Variants in NDEL1 observed in about 807,000 individuals in gnomAD.
NDEL1 encodes the protein nudE neurodevelopment protein 1 like 1.
A neutral mutation model predicts 45.7 loss-of-function variants in NDEL1; 9 were observed. The observed-to-expected ratio is 0.20, with a 90% CI of 0.12 to 0.34. The LOEUF (loss-of-function observed/expected upper bound fraction) is 0.34. Ranked by LOEUF, NDEL1 falls within the 10% of genes least tolerant of loss-of-function variation. The pLI is 1.00. For missense variants in NDEL1, 306 were observed against 406.2 expected, an observed-to-expected ratio of 0.75 and a Z score of 2.12; for synonymous variants, 133 against 158.6, an observed-to-expected ratio of 0.84 and a Z score of 1.21.
chr17:8,452,962 C>T (rs1910615295), intron 6 of NDEL1, among the ~76,000 whole-genome samples: 1 of 152,120 alleles, frequency 6.6e-6, no homozygotes, highest in Non-Finnish European at 1.5e-5. Flanking sequence ...CAGTCTCAAA[C>T]TCCTGACCTC....
chr17:8,460,208 C>T (rs376828874), intron 8 of NDEL1, 48 bp downstream of exon 8: 28 of 1,579,396 alleles, frequency 1.8e-5, no homozygotes, highest in Non-Finnish European at 2.6e-6. Flanking sequence ...AGTAAAGTGA[C>T]AGGTTAGTAA....
chr17:8,470,787 C>T (rs891168407), downstream of NDEL1, among the ~76,000 whole-genome samples: 1 of 152,244 alleles, frequency 6.6e-6, no homozygotes, highest in Non-Finnish European at 1.5e-5. This position sits in a 1 kb window ranked among gnomAD's most constrained non-coding sequence, Gnocchi z 4.2. Flanking sequence ...GTTTTGAAGG[C>T]TTGGAAATGA....
intron 1 of NDEL1, among the ~76,000 whole-genome samples, chr17:8,442,913 G>A (rs1219439371): frequency 6.6e-6 from 1 of 151,762 alleles, no homozygotes; most frequent in Non-Finnish European, 1.5e-5. Flanking sequence ...CCGAGTAGGT[G>A]GGACTACAGG....
chr17:8,422,332 G>C (rs889569739), intron 1 of NDEL1, among the ~76,000 whole-genome samples: 1 of 151,880 alleles, frequency 6.6e-6, no homozygotes, highest in East Asian at 1.9e-4. Context: ...TGTTGTTGAC[G>C]GAGTCTCGCT....
intron 1 of NDEL1, among the ~76,000 whole-genome samples, chr17:8,442,969 T>C (rs11868283): frequency 0.46 from 68,946 of 151,192 alleles, 15,902 homozygotes; most frequent in African/African-American, 0.56. Context: ...TTAGCAGAGA[T>C]GGGGTTTCAC....
intron 1 of NDEL1, among the ~76,000 whole-genome samples, chr17:8,418,545 C>T (rs1908606867): frequency 6.6e-6 from 1 of 152,096 alleles, no homozygotes; most frequent in African/African-American, 2.4e-5. Flanking sequence ...CTATTTGTGT[C>T]CATTGCTCAT....
intron 8 of NDEL1, chr17:8,464,613 A>G (rs907622354): frequency 6.6e-6 from 1 of 152,204 alleles, no homozygotes; most frequent in African/African-American, 2.4e-5. Flanking sequence ...GCCCATGTAG[A>G]AATTTACCGG....
chr17:8,420,231 C>A (rs1908668149), intron 1 of NDEL1, among the ~76,000 whole-genome samples: 1 of 152,288 alleles, frequency 6.6e-6, no homozygotes, highest in Non-Finnish European at 1.5e-5. Context: ...ACATGAATAG[C>A]TGCTTCATAG....
intron 3 of NDEL1, among the ~76,000 whole-genome samples, chr17:8,446,383 G>A (rs1910078893): frequency 6.6e-6 from 1 of 152,156 alleles, no homozygotes; most frequent in Non-Finnish European, 1.5e-5. Context: ...GAGTGGGTGG[G>A]TTCTGGGAAG....
chr17:8,450,893 C>G lies in NDEL1; in HGVS notation c.640C>G (p.Leu214Val), dbSNP rs956484828. The change falls in exon 6 of 9, where the codon CTT becomes GTT. Residue 214 changes from leucine to valine, a missense_variant. Physicochemically the swap from Leu to Val is conservative, Grantham distance 32. Transcript: ENST00000334527. ...EKMDSAVQAS[L>V]SLPATPVGKG... is the part of the protein sequence containing the mutation. ...GATGGACTCCGCCGTCCAAGCATCA[C>G]TTTCTTTGCCAGCTACCCCTGTTGG... 4.3e-6 allele frequency: 7 copies of G among 1,613,052 alleles called. No individual in the cohort carries two copies. Among genetic ancestry groups the G allele is most frequent in the Non-Finnish European group, 5.9e-6 (7 of 1,179,662 alleles).
chr17:8,451,245 GA>G (rs898484838), intron 6 of NDEL1, among the ~76,000 whole-genome samples: 7 of 152,212 alleles, frequency 4.6e-5, no homozygotes, highest in African/African-American at 1.7e-4. Context: ...TGTTTAGGTA[GA>G]AAATTTTAAA....
intron 1 of NDEL1, among the ~76,000 whole-genome samples, chr17:8,430,752 C>G (rs1250272028): frequency 6.6e-6 from 1 of 152,206 alleles, no homozygotes; most frequent in Non-Finnish European, 1.5e-5. Flanking sequence ...TTTTTACCAC[C>G]ACAAGGGCTG....
Position 8,446,831 on chromosome 17 carries a change from C to T in NDEL1, c.318C>T (p.Ala106=). 6.2e-7 allele frequency: 1 copy of T among 1,614,144 alleles called. No homozygotes were observed. Among genetic ancestry groups the T allele is most frequent in the Non-Finnish European group, 8.5e-7 (1 of 1,180,036 alleles). Residue 106 remains alanine, a synonymous_variant, in exon 4 of 9, where the codon GCC becomes GCT. Coordinates refer to ENST00000334527, the MANE Select transcript of NDEL1 (RefSeq NM_030808.5). ...VLEDDLSQTR[A]IKEQLHKYVR... is the part of the protein sequence containing the mutation. The stretch of plus-strand genomic sequence containing the variant: ...AAGATGATTTAAGTCAGACTCGGGC[C>T]ATTAAGGAGCAGTTGCATAAGTATG...
At chr17:8,469,839 C>T (rs1322671874), downstream of NDEL1, among the ~76,000 whole-genome samples, 3 of 150,312 alleles carry the variant, frequency 2.0e-5, no homozygotes, top group African/African-American at 7.4e-5. Context: ...AAGCAGCTGG[C>T]GCCCGCCGCC....
At chr17:8,421,898 G>T (rs534768550) in intron 1 of NDEL1, among the ~76,000 whole-genome samples, 1 of 152,336 alleles carries the variant, frequency 6.6e-6, no homozygotes, top group African/African-American at 2.4e-5. Context: ...TGCTTGGCTA[G>T]ATGTCAGGGT....
chr17:8,418,488 G>T (rs1908605669), intron 1 of NDEL1, among the ~76,000 whole-genome samples: 1 of 152,172 alleles, frequency 6.6e-6, no homozygotes, highest in African/African-American at 2.4e-5. Context: ...GTAGCTGAGG[G>T]TCTTCTTAGG....
At chr17:8,458,470 G>T (rs1056327395) in intron 7 of NDEL1, among the ~76,000 whole-genome samples, 1 of 152,042 alleles carries the variant, frequency 6.6e-6, no homozygotes, top group Non-Finnish European at 1.5e-5. Flanking sequence ...AGTTGTGCCT[G>T]CCGTGTGATA....
intron 8 of NDEL1, chr17:8,462,659 G>T (rs1248734166): frequency 6.6e-6 from 1 of 152,248 alleles, no homozygotes; most frequent in East Asian, 1.9e-4. Flanking sequence ...TGAGAAAAGT[G>T]CCCCATTTGA....
At chr17:8,428,519 C>G (rs1422241388) in intron 1 of NDEL1, among the ~76,000 whole-genome samples, 1 of 151,498 alleles carries the variant, frequency 6.6e-6, no homozygotes, top group South Asian at 2.1e-4. Context: ...CATGTGCCAC[C>G]ACACCCGGCT....
Sources: gnomAD v4.1 joint callset for allele counts (sites outside exome capture counted in the v4.1 genomes callset) on GRCh38, gnomAD v4.1.1 for gene constraint, Gnocchi (gnomAD v3.1) non-coding constraint, MANE v1.5 for transcripts, NCBI Gene and HGNC (gene_info 2026-07-23, HGNC 2026-07-21) for gene names.